ADGRV1: variants seen among roughly 807,000 people sequenced by gnomAD.
ADGRV1 encodes the protein adhesion G protein-coupled receptor V1.
A neutral mutation model predicts 596.2 loss-of-function variants in ADGRV1; 359 were observed. That is an observed-to-expected ratio of 0.60 (90% CI 0.55 to 0.66). The LOEUF (loss-of-function observed/expected upper bound fraction) is 0.66. ADGRV1 is among the 30% of genes least tolerant of loss of function. ADGRV1 has a pLI of 0.00. For missense variants in ADGRV1, 7,274 were observed against 7,575.6 expected, an observed-to-expected ratio of 0.96 and a Z score of 1.48; for synonymous variants, 2,681 against 2,679.2, an observed-to-expected ratio of 1.00 and a Z score of -0.02.
chr5:90,782,813 A>G (rs1485396982), intron 65 of ADGRV1, among the ~76,000 whole-genome samples: 1 of 151,930 alleles, frequency 6.6e-6, no homozygotes, highest in Non-Finnish European at 1.5e-5. Flanking sequence ...TCCATCTAAC[A>G]TTGTCTTAGA....
rs375415491 is a variant in ADGRV1, at chr5:90,643,026, G to A, written c.2538G>A (p.Leu846=). Residue 846 remains leucine (L), a synonymous_variant, in exon 13 of 90, where the codon TTG becomes TTA. Coordinates refer to ENST00000405460, the MANE Select transcript of ADGRV1 (RefSeq NM_032119.4). ...REIVITLLAR[L]DGIPELDEHY... ...TAGTGATCACCTTGCTAGCAAGATT[G>A]GATGGGATACCAGAGGTATGGGATT... 213 of 1,612,740 alleles carry A rather than the reference G, an allele frequency of 1.3e-4. No individual in the cohort carries two copies. The highest frequency in any genetic ancestry group is 3.3e-4 in the Middle Eastern group (2 of 6,084).
At chr5:90,915,741 G>GGCAC (rs1487792112) in intron 83 of ADGRV1, among the ~76,000 whole-genome samples, 2 of 152,112 alleles carry the variant, frequency 1.3e-5, no homozygotes, top group Non-Finnish European at 2.9e-5. Flanking sequence ...ATGCTAAGTT[G>GGCAC]GCACGCTTCA....
At chr5:90,594,217 C>T (rs566260849) in intron 1 of ADGRV1, among the ~76,000 whole-genome samples, 2 of 151,796 alleles carry the variant, frequency 1.3e-5, no homozygotes, top group South Asian at 4.2e-4. Flanking sequence ...CTCGTAATCC[C>T]CACATGTCAT....
chr5:91,092,631 T>TA (rs1272991369), intron 86 of ADGRV1: 2 of 151,932 alleles, frequency 1.3e-5, no homozygotes, highest in African/African-American at 4.8e-5. Flanking sequence ...ACTTCAAACC[T>TA]ACAAAGGAAG....
chr5:90,683,209 G>A (rs910327316), intron 27 of ADGRV1, among the ~76,000 whole-genome samples: 3 of 142,794 alleles, frequency 2.1e-5, no homozygotes, highest in African/African-American at 8.3e-5. Flanking sequence ...TTTCAATTGT[G>A]TTTTATTTAT....
intron 83 of ADGRV1, among the ~76,000 whole-genome samples, chr5:90,928,887 T>TGG (rs1774857766): frequency 6.9e-6 from 1 of 144,636 alleles, no homozygotes; most frequent in Non-Finnish European, 1.5e-5. Context: ...TGGAATAGCC[T>TGG]GCCGTGTGAG....
chr5:91,130,187 CAT>C (rs1794093318), intron 87 of ADGRV1, among the ~76,000 whole-genome samples: 1 of 150,912 alleles, frequency 6.6e-6, no homozygotes, highest in Admixed American at 6.6e-5. Context: ...CATCTGATAA[CAT>C]CCCTTTCTCT....
intron 87 of ADGRV1, among the ~76,000 whole-genome samples, chr5:91,147,963 T>C (rs1368387692): frequency 1.3e-5 from 2 of 152,162 alleles, no homozygotes; most frequent in Non-Finnish European, 2.9e-5. Context: ...ACAAGGAACT[T>C]GTTGGGAACT....
intron 85 of ADGRV1, among the ~76,000 whole-genome samples, chr5:91,053,923 A>G (rs1359501047): frequency 1.3e-5 from 2 of 152,218 alleles, no homozygotes; most frequent in Non-Finnish European, 2.9e-5. Flanking sequence ...TGCATATACA[A>G]TGAATGAATA....
At chr5:90,779,709 C>T (rs1175556494) in intron 64 of ADGRV1, 1 of 152,152 alleles carries the variant, frequency 6.6e-6, no homozygotes, top group Non-Finnish European at 1.5e-5. Context: ...ACATCTTTAG[C>T]ATGTTTAAGT....
chr5:91,004,137 T>TG (rs1183166792), intron 85 of ADGRV1, among the ~76,000 whole-genome samples: 1 of 152,124 alleles, frequency 6.6e-6, no homozygotes, highest in Non-Finnish European at 1.5e-5. Context: ...TATTTGGGGA[T>TG]GGGGGAAGGC....
intron 83 of ADGRV1, among the ~76,000 whole-genome samples, chr5:90,893,271 TTAATGATAG>T (rs1203933232): frequency 2.6e-5 from 4 of 152,140 alleles, no homozygotes; most frequent in African/African-American, 9.7e-5. Context: ...TATAAGACTG[TTAATGATAG>T]TATCAGCTTC....
At chr5:90,606,007 C>T (rs1362540279) in intron 1 of ADGRV1, among the ~76,000 whole-genome samples, 3 of 152,090 alleles carry the variant, frequency 2.0e-5, no homozygotes, top group African/African-American at 7.2e-5. Flanking sequence ...TTCACTAAGT[C>T]TGAGATCTTT....
At chr5:90,688,283 C>CA (rs1265511459) in intron 29 of ADGRV1, among the ~76,000 whole-genome samples, 4 of 152,118 alleles carry the variant, frequency 2.6e-5, no homozygotes, top group African/African-American at 7.2e-5. Flanking sequence ...CTGAGAAAAA[C>CA]AGCAATGGGG....
At chr5:90,842,773 A>G (rs985725622) in intron 78 of ADGRV1, among the ~76,000 whole-genome samples, 6 of 152,284 alleles carry the variant, frequency 3.9e-5, no homozygotes, top group African/African-American at 2.4e-5. Context: ...TTAAAAGAAA[A>G]TGACTAGTAT....
chr5:90,819,858 G>T (rs1337736366), intron 75 of ADGRV1, among the ~76,000 whole-genome samples: 2 of 152,148 alleles, frequency 1.3e-5, no homozygotes, highest in Non-Finnish European at 2.9e-5. Context: ...TTTTGGAATA[G>T]GTGTGGTGTG....
intron 1 of ADGRV1, among the ~76,000 whole-genome samples, chr5:90,587,366 C>T (rs529964111): frequency 6.6e-6 from 1 of 152,118 alleles, no homozygotes; most frequent in African/African-American, 2.4e-5. Flanking sequence ...AGTCTGGGCC[C>T]TTATGATCCT....
intron 85 of ADGRV1, among the ~76,000 whole-genome samples, chr5:91,040,232 G>C (rs553835988): frequency 9.2e-5 from 14 of 152,214 alleles, no homozygotes; most frequent in Middle Eastern, 6.8e-3. Context: ...TCAAGCAGGT[G>C]CACGAAATAT....
intron 22 of ADGRV1, among the ~76,000 whole-genome samples, chr5:90,673,107 A>T (rs969418578): frequency 6.6e-6 from 1 of 152,226 alleles, no homozygotes; most frequent in Non-Finnish European, 1.5e-5. Flanking sequence ...TTTTGAATTA[A>T]ATTTTGTAGA....
Sources: gnomAD v4.1 joint callset for allele counts (sites outside exome capture counted in the v4.1 genomes callset) on GRCh38, gnomAD v4.1.1 for gene constraint, MANE v1.5 for transcripts, NCBI Gene and HGNC (gene_info 2026-07-23, HGNC 2026-07-21) for gene names.